The following HDAC4 variants were observed in gnomAD, a reference collection of about 807,000 sequenced individuals.
HDAC4 encodes the protein histone deacetylase A.
Under a neutral mutation model 135.1 loss-of-function variants are expected in HDAC4, and 16 were observed. That is an observed-to-expected ratio of 0.12 (90% CI 0.08 to 0.18). HDAC4 has a LOEUF of 0.18. Ranked by LOEUF, HDAC4 falls within the 10% of genes least tolerant of loss-of-function variation. The pLI is 1.00. For synonymous variants in HDAC4, 685 were observed against 653.4 expected (o/e 1.05, Z -0.74); for missense variants, 1,143 against 1,511.8 (o/e 0.76, Z 4.05).
intron 22 of HDAC4, among the ~76,000 whole-genome samples, chr2:239,069,446 A>G (rs369922471): frequency 3.8e-4 from 24 of 62,862 alleles, no homozygotes; most frequent in South Asian, 2.0e-3. Flanking sequence ...ACACTTGCTT[A>G]GTGAGAGTGA....
At chr2:239,098,333 G>A (rs887010428) in intron 16 of HDAC4, among the ~76,000 whole-genome samples, 10 of 152,220 alleles carry the variant, frequency 6.6e-5, no homozygotes, top group African/African-American at 2.2e-4. Flanking sequence ...TCTGTTTGCC[G>A]CGGGCTGGCA....
chr2:239,067,528 C>T lies in HDAC4; in HGVS notation c.2870-673G>A, dbSNP rs80352909. ...CTGATGGAAACAGTGACAGGGGCTT[C>T]GAGGCAGCTGTGCGGACTGAGGAGG... On this transcript the variant is annotated intron_variant, in intron 23 of 26. Coordinates refer to ENST00000543185, the MANE Select transcript of HDAC4 (RefSeq NM_001378414.1). Among the ~76,000 whole-genome samples, 130 of 152,348 alleles carry T rather than the reference C, an allele frequency of 8.5e-4. No individual in the cohort carries two copies. The East Asian group carries it at 0.021, about 24-fold the overall frequency.
chr2:239,133,301 C>T (rs73099560), intron 11 of HDAC4, among the ~76,000 whole-genome samples: 12,378 of 152,270 alleles, frequency 0.081, 1,697 homozygotes, highest in African/African-American at 0.28. Context: ...TCCTACAACA[C>T]GCCAAGCCCC....
At chr2:239,099,680 G>A (rs938537561) in intron 16 of HDAC4, among the ~76,000 whole-genome samples, 8 of 152,148 alleles carry the variant, frequency 5.3e-5, no homozygotes, top group Admixed American at 2.6e-4. Context: ...CAGCCCCAGC[G>A]GTGCTCCCCG....
intron 22 of HDAC4, among the ~76,000 whole-genome samples, chr2:239,070,602 G>A (rs1340889333): frequency 6.6e-6 from 1 of 152,232 alleles, no homozygotes; most frequent in Non-Finnish European, 1.5e-5. Flanking sequence ...CACTCCCTCT[G>A]TGGGTGAGGG....
At chr2:239,117,430 G>A (rs1165925863) in intron 12 of HDAC4, among the ~76,000 whole-genome samples, 1 of 152,136 alleles carries the variant, frequency 6.6e-6, no homozygotes, top group African/African-American at 2.4e-5. Context: ...AGGCAAGAGA[G>A]GGTGGCCAGG....
intron 2 of HDAC4, among the ~76,000 whole-genome samples, chr2:239,242,626 T>C (rs962883728): frequency 2.6e-5 from 4 of 152,210 alleles, no homozygotes; most frequent in African/African-American, 9.7e-5. Flanking sequence ...CCTCACACCT[T>C]TTCTTCTTCT....
intron 2 of HDAC4, among the ~76,000 whole-genome samples, chr2:239,263,551 C>T (rs1000580916): frequency 5.9e-5 from 9 of 152,304 alleles, no homozygotes; most frequent in East Asian, 5.8e-4. Context: ...TAGGCCCGCA[C>T]GGAGCTGCTG....
chr2:239,318,488 T>A (rs1034099135), intron 2 of HDAC4, among the ~76,000 whole-genome samples: 1 of 152,196 alleles, frequency 6.6e-6, no homozygotes, highest in Non-Finnish European at 1.5e-5. Context: ...CATCTGCTGT[T>A]GATAACGAGA....
chr2:239,305,161 G>A (rs748325060), intron 2 of HDAC4, among the ~76,000 whole-genome samples: 1 of 152,226 alleles, frequency 6.6e-6, no homozygotes, highest in African/African-American at 2.4e-5. Flanking sequence ...AGCAGCTTGA[G>A]TAACACAAAT....
In HDAC4 at chr2:239,230,544, C is replaced by T. The variant is rs73098745; in HGVS notation, c.94+6049G>A. 4.7e-3 allele frequency among the ~76,000 whole-genome samples: 709 copies of T among 152,156 alleles called. 2 individuals are homozygous for T. The highest frequency in any genetic ancestry group is 0.011 in the African/African-American group (461 of 41,500). Reference sequence around the variant, plus strand: ...AAATAACCCAAGCAGTCACGGCAGGCGCCGCCAGGACGAGGCCGCCACGGC... The same window carrying T: ...AAATAACCCAAGCAGTCACGGCAGGTGCCGCCAGGACGAGGCCGCCACGGC... On this transcript the variant is annotated intron_variant, in intron 3 of 26. Transcript: ENST00000543185.
At chr2:239,094,427 C>A in intron 17 of HDAC4, 1 of 627,858 alleles carries the variant, frequency 1.6e-6, no homozygotes, top group Non-Finnish European at 1.9e-6. Context: ...GAAGCCAGCA[C>A]AGCCCAGTGA....
chr2:239,209,831 G>A (rs1025785451), intron 3 of HDAC4, among the ~76,000 whole-genome samples: 21 of 152,182 alleles, frequency 1.4e-4, no homozygotes, highest in African/African-American at 3.9e-4. Flanking sequence ...AACAGCAGAA[G>A]GTATGAATGG....
intron 4 of HDAC4, among the ~76,000 whole-genome samples, chr2:239,184,741 A>G (rs112704927): frequency 7.7e-4 from 17 of 22,160 alleles, no homozygotes; most frequent in Admixed American, 1.4e-3. Flanking sequence ...TGTCCTGGAG[A>G]CTGTGTCCTA....
At chr2:239,261,745 G>A (rs2049380148) in intron 2 of HDAC4, among the ~76,000 whole-genome samples, 1 of 152,140 alleles carries the variant, frequency 6.6e-6, no homozygotes, top group Admixed American at 6.5e-5. Context: ...GGGAGGAAGG[G>A]GCAGCAGTGG....
rs918926156 is a variant in HDAC4 at position 239,050,287 on chromosome 2, C to T, written c.*2810G>A. ...CTGGCCACTGAGCAGTCCATGTTAT[C>T]CCATCATCTGCTTAAAAAAAAAAAG... On this transcript the variant is annotated 3_prime_UTR_variant, in exon 27 of 27. Transcript: ENST00000543185. 6.6e-6 allele frequency: 1 copy of T among 152,164 alleles called. No homozygotes were observed. The highest frequency in any genetic ancestry group is 1.5e-5 in the Non-Finnish European group (1 of 68,048). The allele number at this position is 152,164 out of a possible 1,614,324, so 9.4% of individuals were successfully genotyped here. A position where few individuals can be genotyped will look rare whatever the true frequency, so the allele number is the denominator to read the frequency against.
At chr2:239,066,490 G>A (rs1372780529) in intron 24 of HDAC4, among the ~76,000 whole-genome samples, 2 of 152,216 alleles carry the variant, frequency 1.3e-5, no homozygotes, top group Admixed American at 6.5e-5. Context: ...ATCTTCTCAC[G>A]ACAAGAGGGC....
intron 5 of HDAC4, among the ~76,000 whole-genome samples, chr2:239,164,569 C>T (rs762353286): frequency 3.9e-5 from 6 of 152,238 alleles, no homozygotes; most frequent in African/African-American, 7.2e-5. Flanking sequence ...CCACTCTCAC[C>T]GCCTGAACAC....
chr2:239,076,084 C>T (rs2034726733), intron 22 of HDAC4, among the ~76,000 whole-genome samples: 1 of 151,908 alleles, frequency 6.6e-6, no homozygotes, highest in South Asian at 2.1e-4. Context: ...AGGCGGGTGC[C>T]AGCCACTCCC....
Sources: allele counts gnomAD v4.1 joint callset (sites outside exome capture counted in the v4.1 genomes callset), GRCh38; gene constraint gnomAD v4.1.1; transcripts MANE v1.5; gene names NCBI Gene and HGNC (gene_info 2026-07-23, HGNC 2026-07-21).